NCBP2L: variants seen among roughly 807,000 people sequenced by gnomAD.
NCBP2L encodes nuclear cap binding protein subunit 2 like.
For synonymous variants in NCBP2L, 39 were observed against 19.2 expected, an observed-to-expected ratio of 2.04 and a Z score of -2.70; for missense variants, 95 against 53.1, an observed-to-expected ratio of 1.79 and a Z score of -2.45.
intron 1 of NCBP2L, among the ~76,000 whole-genome samples, chrX:107,793,911 T>C (rs1930483073): frequency 8.9e-6 from 1 of 112,172 alleles, no homozygotes; most frequent in Non-Finnish European, 1.9e-5. Flanking sequence ...ATCAGGCATA[T>C]AAGATCTAAG....
intron 1 of NCBP2L, among the ~76,000 whole-genome samples, chrX:107,787,024 C>G (rs1930398493): frequency 9.0e-6 from 1 of 111,529 alleles, no homozygotes; most frequent in Non-Finnish European, 1.9e-5. Flanking sequence ...TTTTGTTAGG[C>G]AAAAGTTCAA....
At chrX:107,782,266 TATATATATAA>T (rs1181299183) in intron 1 of NCBP2L, among the ~76,000 whole-genome samples, 10 of 30,088 alleles carry the variant, frequency 3.3e-4, no homozygotes, top group African/African-American at 2.7e-3. Flanking sequence ...TATATAAATA[TATATATATAA>T]ATATATATAA....
chrX:107,781,676 A>ATCTATCTATCTCTCTC lies in NCBP2L; in HGVS notation c.-73+3821_-73+3822insATCTATCTCTCTCTCT, dbSNP rs1380779020. ...CATCTATCTATCTATCTATCTATCT[A>ATCTATCTATCTCTCTC]TCTCTCTCTCTCTCTCTATATATAT... On this transcript the variant is annotated intron_variant, in intron 1 of 1. Coordinates refer to ENST00000509000, the MANE Select transcript of NCBP2L (RefSeq NM_001348372.2). Among the ~76,000 whole-genome samples, 85 of 55,881 alleles carry ATCTATCTATCTCTCTC rather than the reference A, an allele frequency of 1.5e-3. 2 individuals are homozygous for ATCTATCTATCTCTCTC. Among genetic ancestry groups the ATCTATCTATCTCTCTC allele is most frequent in the African/African-American group, 8.5e-3 (75 of 8,819 alleles). 48.5% of individuals were successfully genotyped at this position (55,881 alleles called of 115,157 possible). A position where few individuals can be genotyped will look rare whatever the true frequency, so the allele number is the denominator to read the frequency against.
chrX:107,782,336 TAA>T (rs1298453557), intron 1 of NCBP2L, among the ~76,000 whole-genome samples: 1 of 37,297 alleles, frequency 2.7e-5, no homozygotes, highest in Non-Finnish European at 3.7e-5. Context: ...AATATATATA[TAA>T]ATATATATAT....
At chrX:107,783,669 G>A (rs1005854331) in intron 1 of NCBP2L, among the ~76,000 whole-genome samples, 1 of 109,869 alleles carries the variant, frequency 9.1e-6, no homozygotes, top group African/African-American at 3.3e-5. Flanking sequence ...CACTGCACCC[G>A]GCCAAGAATT....
rs1033442893 is a variant in NCBP2L at position 107,795,221 on chromosome X, A to T, written c.*539A>T. 2.7e-5 allele frequency: 3 copies of T among 112,237 alleles called. No homozygotes were observed. The highest frequency in any genetic ancestry group is 5.6e-5 in the Non-Finnish European group (3 of 53,326). 9.2% of individuals were successfully genotyped at this position (112,237 alleles called of 1,213,427 possible). ...TGGACGATAACGCTTAATTATTTTT[A>T]TTAGTTTTTGGTTTGTTTGTTTCTT... On this transcript the variant is annotated 3_prime_UTR_variant, in exon 2 of 2. Coordinates refer to ENST00000509000, the MANE Select transcript of NCBP2L (RefSeq NM_001348372.2).
At chrX:107,780,086 G>A (rs2147804604) in intron 1 of NCBP2L, among the ~76,000 whole-genome samples, 1 of 111,341 alleles carries the variant, frequency 9.0e-6, no homozygotes, top group East Asian at 2.9e-4. Flanking sequence ...GCCAGGTGCT[G>A]TGGCCCATGC....
chrX:107,787,339 C>T, intron 1 of NCBP2L, among the ~76,000 whole-genome samples: 1 of 112,353 alleles, frequency 8.9e-6, no homozygotes, highest in East Asian at 2.8e-4. Flanking sequence ...TGTAGCCTGT[C>T]TCAGGCCATT....
At chrX:107,782,288 T>TATATATATATAAATATATATAA (rs1930322404) in intron 1 of NCBP2L, among the ~76,000 whole-genome samples, 1 of 27,366 alleles carries the variant, frequency 3.7e-5, no homozygotes, top group Non-Finnish European at 4.8e-5. Flanking sequence ...TATATATAAA[T>TATATATATATAAATATATATAA]ATATATATAT....
chrX:107,781,216 C>CA (rs1556344793), intron 1 of NCBP2L, among the ~76,000 whole-genome samples: 2 of 89,833 alleles, frequency 2.2e-5, no homozygotes, highest in Admixed American at 1.2e-4. Context: ...TGAAGGCCGG[C>CA]TTTTTTTTTT....
Position 107,781,676 on chromosome X carries a change from A to ATCTCTCTCTCTCTCTCTC in NCBP2L, c.-73+3835_-73+3836insCTCTCTCTCTCTCTCTCT, listed in dbSNP as rs1252852252. Among the ~76,000 whole-genome samples, 11 of 55,885 alleles carry ATCTCTCTCTCTCTCTCTC rather than the reference A, an allele frequency of 2.0e-4. No homozygotes were observed. The South Asian group carries it at 5.6e-3, about 29-fold the overall frequency. The allele number at this position is 55,885 out of a possible 115,157, so 48.5% of individuals were successfully genotyped here. The stretch of plus-strand genomic sequence containing the variant: ...CATCTATCTATCTATCTATCTATCT[A>ATCTCTCTCTCTCTCTCTC]TCTCTCTCTCTCTCTCTATATATAT... On this transcript the variant is annotated intron_variant, in intron 1 of 1. Transcript: ENST00000509000.
intron 1 of NCBP2L, among the ~76,000 whole-genome samples, chrX:107,783,365 TTTTTTTTTTTTTTTA>T (rs1569457412): frequency 2.1e-5 from 2 of 95,969 alleles, no homozygotes; most frequent in African/African-American, 8.0e-5. Context: ...TGCCTTTTTT[TTTTTTTTTTTTTTTA>T]TTTTTTATTT....
chrX:107,786,645 C>T (rs1275172000), intron 1 of NCBP2L, among the ~76,000 whole-genome samples: 2 of 111,350 alleles, frequency 1.8e-5, no homozygotes, highest in Admixed American at 1.9e-4. Context: ...GTGTGTCAGG[C>T]GCTGTGTTAG....
intron 1 of NCBP2L, among the ~76,000 whole-genome samples, chrX:107,780,754 C>T (rs745546661): frequency 7.4e-5 from 8 of 107,587 alleles, no homozygotes; most frequent in South Asian, 4.2e-4. Flanking sequence ...TTCAGCCTCC[C>T]GAGTAGCTGG....
At chrX:107,788,814 G>T (rs1930416123) in intron 1 of NCBP2L, among the ~76,000 whole-genome samples, 1 of 110,883 alleles carries the variant, frequency 9.0e-6, no homozygotes, top group African/African-American at 3.3e-5. Context: ...TACCCCATGG[G>T]GCCTGGAGAT....
intron 1 of NCBP2L, among the ~76,000 whole-genome samples, chrX:107,788,591 G>A (rs191112538): frequency 1.8e-5 from 2 of 112,207 alleles, no homozygotes; most frequent in African/African-American, 3.2e-5. Flanking sequence ...ACAGTACCTC[G>A]AAATGGAACG....
intron 1 of NCBP2L, among the ~76,000 whole-genome samples, chrX:107,781,083 C>T (rs1051149487): frequency 6.3e-5 from 7 of 110,574 alleles, no homozygotes; most frequent in Admixed American, 2.9e-4. Flanking sequence ...TGTGCTACCA[C>T]GCCCAGCTAA....
At chrX:107,779,034 C>G (rs1356393038) in intron 1 of NCBP2L, among the ~76,000 whole-genome samples, 1 of 111,458 alleles carries the variant, frequency 9.0e-6, no homozygotes. Context: ...GACTAGTGAA[C>G]AGAGGCTTGG....
chrX:107,783,858 A>ATGTGTGTGTGTGTGTGTGTG (rs756413239), intron 1 of NCBP2L, among the ~76,000 whole-genome samples: 3 of 96,958 alleles, frequency 3.1e-5, no homozygotes, highest in Non-Finnish European at 4.2e-5. Flanking sequence ...TGGTGTGCGT[A>ATGTGTGTGTGTGTGTGTGTG]TGTGTGTGTG....
Sources: allele counts gnomAD v4.1 joint callset (sites outside exome capture counted in the v4.1 genomes callset), GRCh38; gene constraint gnomAD v4.1.1; transcripts MANE v1.5; gene names NCBI Gene and HGNC (gene_info 2026-07-23, HGNC 2026-07-21).